The following RAMP3 variants were observed in gnomAD, a reference collection of about 807,000 sequenced individuals.
The protein encoded by RAMP3 is receptor activity-modifying protein 3.
RAMP3 carries 14 observed loss-of-function variants against 13.5 expected under a neutral mutation model. The observed-to-expected ratio is 1.04, with a 90% CI of 0.69 to 1.63. The LOEUF (loss-of-function observed/expected upper bound fraction) is 1.63. Ranked by LOEUF, RAMP3 falls within the 40% of genes most tolerant of loss-of-function variation. The pLI is 0.00. For synonymous variants in RAMP3, 106 were observed against 88.3 expected, an observed-to-expected ratio of 1.20 and a Z score of -1.12; for missense variants, 200 against 204.8, an observed-to-expected ratio of 0.98 and a Z score of 0.14.
chr7:45,173,572 C>G (rs1490540832), intron 1 of RAMP3, among the ~76,000 whole-genome samples: 2 of 152,222 alleles, frequency 1.3e-5, no homozygotes, highest in African/African-American at 4.8e-5. Context: ...CTGTGGACAG[C>G]TGAGCAGGAG....
intron 1 of RAMP3, among the ~76,000 whole-genome samples, chr7:45,164,365 C>T (rs555591678): frequency 2.1e-5 from 3 of 142,594 alleles, no homozygotes; most frequent in Middle Eastern, 3.7e-3. Flanking sequence ...GATCTTGTCT[C>T]TACAAATAAC....
At chr7:45,167,727 C>T (rs1283512997) in intron 1 of RAMP3, among the ~76,000 whole-genome samples, 5 of 151,938 alleles carry the variant, frequency 3.3e-5, no homozygotes, top group African/African-American at 1.2e-4. Flanking sequence ...GCTGGGATTA[C>T]AGGCATGCGC....
chr7:45,160,061 G>A lies in RAMP3; in HGVS notation c.58+2175G>A, dbSNP rs181749544. Among the ~76,000 whole-genome samples the A allele has an allele frequency of 2.3e-3, 356 of 152,186 alleles. 1 individual carries two copies. The highest frequency in any genetic ancestry group is 8.3e-3 in the African/African-American group (343 of 41,522). On this transcript the variant is annotated intron_variant, in intron 1 of 2. Transcript: ENST00000242249. ...GACTTGGAGGTGGCCGGCCGGGTGC[G>A]GTGGCTCACGCCTGTAATCCCAGCA...
chr7:45,170,204 C>T (rs1786053839), intron 1 of RAMP3, among the ~76,000 whole-genome samples: 1 of 144,666 alleles, frequency 6.9e-6, no homozygotes, highest in South Asian at 2.2e-4. Context: ...TTTTGTAGTT[C>T]ATTAATTTCT....
At chr7:45,178,972 C>T (rs139657700) in intron 2 of RAMP3, among the ~76,000 whole-genome samples, 113 of 152,246 alleles carry the variant, frequency 7.4e-4, no homozygotes, top group Middle Eastern at 6.8e-3. Context: ...CTCCCACGAC[C>T]CGGCCGGCAG....
At chr7:45,161,230 C>T (rs903110502) in intron 1 of RAMP3, among the ~76,000 whole-genome samples, 1 of 151,798 alleles carries the variant, frequency 6.6e-6, no homozygotes, top group Non-Finnish European at 1.5e-5. Flanking sequence ...TCAGGGACCC[C>T]TCCTTCTCTT....
At chr7:45,167,566 T>A (rs955128963) in intron 1 of RAMP3, among the ~76,000 whole-genome samples, 8 of 151,594 alleles carry the variant, frequency 5.3e-5, no homozygotes, top group Non-Finnish European at 8.8e-5. Flanking sequence ...TTCTTTTTTT[T>A]TTTTTTTTAT....
rs554450845 is a variant in RAMP3, at chr7:45,175,824, G to A, written c.59-1485G>A. Reference sequence around the variant, plus strand: ...CATCAGACGCTTGTTCAACCAAGGGGCTTCCAGGGTCTTCCCTAATGTTAG... The same window carrying A: ...CATCAGACGCTTGTTCAACCAAGGGACTTCCAGGGTCTTCCCTAATGTTAG... On this transcript the variant is annotated intron_variant, in intron 1 of 2. Coordinates refer to ENST00000242249, the MANE Select transcript of RAMP3 (RefSeq NM_005856.3). Among the ~76,000 whole-genome samples the A allele has an allele frequency of 3.9e-5, 6 of 152,270 alleles. No homozygotes were observed. The East Asian group carries it at 9.6e-4, about 24-fold the overall frequency.
chr7:45,163,267 C>T, intron 1 of RAMP3: 1 of 985,402 alleles, frequency 1.0e-6, no homozygotes, highest in Non-Finnish European at 1.2e-6. Flanking sequence ...GGGATAGAGC[C>T]CCCAAGCCTC....
chr7:45,177,424 C>T lies in RAMP3; in HGVS notation c.174C>T (p.Asn58=). The T allele has an allele frequency of 6.2e-7, 1 of 1,614,098 alleles. No individual in the cohort carries two copies. Among genetic ancestry groups the T allele is most frequent in the Non-Finnish European group, 8.5e-7 (1 of 1,179,974 alleles). Residue 58 remains asparagine (N), a synonymous_variant, in exon 2 of 3, where the codon AAC becomes AAT. Coordinates refer to ENST00000242249, the MANE Select transcript of RAMP3 (RefSeq NM_005856.3). ...MGKVDVWKWC[N]LSEFIVYYES... ...AGGTGGACGTCTGGAAGTGGTGCAA[C>T]CTGTCCGAGTTCATCGTGTGAGTGC...
Position 45,183,566 on chromosome 7 carries a change from C to T in RAMP3, c.*154C>T. On this transcript the variant is annotated 3_prime_UTR_variant, in exon 3 of 3. Transcript: ENST00000242249. ...CCTCCCTTCCTGGGCTGACCTGCTC[C>T]CTCGAGGCCAGCCTGCTCCCTGGCT... The T allele has an allele frequency of 9.0e-7, 1 of 1,116,632 alleles. No individual in the cohort carries two copies. Among genetic ancestry groups the T allele is most frequent in the Admixed American group, 2.2e-5 (1 of 46,342 alleles). The allele number at this position is 1,116,632 out of a possible 1,614,324, so 69.2% of individuals were successfully genotyped here. A position where few individuals can be genotyped will look rare whatever the true frequency, so the allele number is the denominator to read the frequency against.
chr7:45,183,305 C>A lies in RAMP3; in HGVS notation c.340C>A (p.Pro114Thr). The change falls in exon 3 of 3, where the codon CCC becomes ACC. Residue 114 changes from proline (P) to threonine (T), a missense_variant. By Grantham distance (38) the Pro-to-Thr change is conservative (BLOSUM62 -1). Transcript: ENST00000242249. ...CTVDRVHLED[P>T]PDEVLIPLIV... Reference sequence around the variant, plus strand: ...CGTGGACAGGGTCCACTTGGAGGACCCCCCAGACGAGGTTCTCATCCCGCT... The same window carrying A: ...CGTGGACAGGGTCCACTTGGAGGACACCCCAGACGAGGTTCTCATCCCGCT... 6.2e-7 allele frequency: 1 copy of A among 1,614,096 alleles called. No individual in the cohort carries two copies. Among genetic ancestry groups the A allele is most frequent in the African/African-American group, 1.3e-5 (1 of 75,050 alleles).
intron 1 of RAMP3, 122 bp downstream of exon 1, chr7:45,158,008 G>A: frequency 2.1e-6 from 2 of 972,166 alleles, no homozygotes; most frequent in Non-Finnish European, 2.7e-6. Flanking sequence ...GCTCGGGAGG[G>A]GCGCACAGTG....
chr7:45,160,539 C>T (rs190147282), intron 1 of RAMP3, among the ~76,000 whole-genome samples: 38 of 151,932 alleles, frequency 2.5e-4, no homozygotes, highest in Admixed American at 4.6e-4. Context: ...CAGAACCGCC[C>T]AGAATCCACA....
At chr7:45,160,240 A>T (rs1287967711) in intron 1 of RAMP3, among the ~76,000 whole-genome samples, 1 of 145,566 alleles carries the variant, frequency 6.9e-6, no homozygotes. Flanking sequence ...GCTGAGGCAG[A>T]GGAATCGCTT....
Position 45,179,488 on chromosome 7 carries a change from G to T in RAMP3, c.191+2047G>T, listed in dbSNP as rs981877828. On this transcript the variant is annotated intron_variant, in intron 2 of 2. Transcript: ENST00000242249. ...CCAAGAAGAAAACTGCAAACGTCAC[G>T]ACTGATATCTTCAGAGGGCAACAAC... Among the ~76,000 whole-genome samples the T allele has an allele frequency of 3.3e-5, 5 of 152,184 alleles. No homozygotes were observed. In the South Asian group the frequency reaches 6.2e-4, roughly 19 times the overall value.
intron 1 of RAMP3, 127 bp from the exon 2 acceptor site, chr7:45,177,182 G>A: frequency 1.6e-6 from 2 of 1,261,136 alleles, no homozygotes; most frequent in Non-Finnish European, 2.2e-6. Flanking sequence ...GACTCCGCTG[G>A]AACGGTCTCA....
chr7:45,163,844 G>A (rs967292963), intron 1 of RAMP3: 6 of 985,368 alleles, frequency 6.1e-6, no homozygotes, highest in Non-Finnish European at 7.2e-6. Context: ...AGAAGGACAC[G>A]GGCCTCCATT....
intron 2 of RAMP3, among the ~76,000 whole-genome samples, chr7:45,180,769 G>T (rs750803380): frequency 3.9e-5 from 6 of 152,254 alleles, no homozygotes; most frequent in Non-Finnish European, 7.3e-5. Flanking sequence ...GGGTTTGCCC[G>T]GCTTCCAGCC....
Sources: gnomAD v4.1 joint callset for allele counts (sites outside exome capture counted in the v4.1 genomes callset) on GRCh38, gnomAD v4.1.1 for gene constraint, MANE v1.5 for transcripts, NCBI Gene and HGNC (gene_info 2026-07-23, HGNC 2026-07-21) for gene names.